Variants in FBXO34 observed in about 807,000 individuals in gnomAD.
The protein encoded by FBXO34 is F-box protein 34, also known as F-box only protein 34.
A neutral mutation model predicts 24.5 loss-of-function variants in FBXO34; 12 were observed. The ratio of observed to expected loss-of-function variants is 0.49; its 90% CI spans 0.31 to 0.79. The LOEUF is 0.79. FBXO34 is among the 30% of genes least tolerant of loss of function. The pLI, the probability that FBXO34 is intolerant of heterozygous loss-of-function variation, is 0.04. For synonymous variants in FBXO34, 320 were observed against 311.9 expected, an observed-to-expected ratio of 1.03 and a Z score of -0.27; for missense variants, 823 against 857.7, an observed-to-expected ratio of 0.96 and a Z score of 0.51.
At chr14:55,441,119 T>C in the FBXO34 span, among the ~76,000 whole-genome samples, 1 of 152,166 alleles carries the variant, frequency 6.6e-6, no homozygotes, top group African/African-American at 2.4e-5. Flanking sequence ...GTGCTGGGAT[T>C]ACAGGCGTGA....
At chr14:55,301,870 A>G (rs976057299) in intron 1 of FBXO34, among the ~76,000 whole-genome samples, 4 of 152,204 alleles carry the variant, frequency 2.6e-5, no homozygotes, top group Non-Finnish European at 4.4e-5. Context: ...ACCACAGTCT[A>G]CTTTTTCTTG....
At chr14:55,375,770 T>C in the FBXO34 span, among the ~76,000 whole-genome samples, 32 of 152,356 alleles carry the variant, frequency 2.1e-4, no homozygotes, top group East Asian at 6.0e-3. Flanking sequence ...TTTTTAAAAA[T>C]GCTTTGCCTT....
chr14:55,299,283 T>C (rs773823148), intron 1 of FBXO34: 13 of 750,252 alleles, frequency 1.7e-5, no homozygotes, highest in Non-Finnish European at 2.7e-5. Flanking sequence ...GCGGGCAGGA[T>C]GGATGTGGTG....
chr14:55,295,441 C>T (rs1480264096), intron 1 of FBXO34, among the ~76,000 whole-genome samples: 1 of 129,482 alleles, frequency 7.7e-6, no homozygotes, highest in Non-Finnish European at 1.5e-5. Flanking sequence ...GTTGCCCAGG[C>T]TGGAGTGGAG....
downstream of FBXO34, chr14:55,366,843 C>T (rs1373601573): frequency 6.6e-6 from 1 of 152,558 alleles, no homozygotes; most frequent in Non-Finnish European, 1.5e-5. Flanking sequence ...CTGGCACCTA[C>T]ATGAAAGATT....
intron 1 of FBXO34, among the ~76,000 whole-genome samples, chr14:55,310,942 A>G (rs1882716373): frequency 6.7e-6 from 1 of 148,934 alleles, no homozygotes; most frequent in Non-Finnish European, 1.5e-5. Flanking sequence ...CTATCACTGC[A>G]AGGAAAAAAA....
At position 55,350,370 on chromosome 14, in the gene FBXO34, C is replaced by T; in HGVS notation, c.-10-11C>T. 6.7e-7 allele frequency: 1 copy of T among 1,484,040 alleles called. No homozygotes were observed. 91.9% of individuals were successfully genotyped at this position (1,484,040 alleles called of 1,614,324 possible). ...TGGTTTCTGAATCAAATGTGTATTT[C>T]TTTCCTATAGGGGCTTTGTTATGCA... On this transcript the variant is annotated splice_polypyrimidine_tract_variant and intron_variant, in intron 1 of 1. Coordinates refer to ENST00000313833, the MANE Select transcript of FBXO34 (RefSeq NM_017943.4).
the FBXO34 span, chr14:55,377,800 G>C: frequency 6.5e-7 from 1 of 1,530,802 alleles, no homozygotes; most frequent in Non-Finnish European, 8.8e-7. Flanking sequence ...TTAGAGAAAA[G>C]CAACAAATAT....
intron 1 of FBXO34, among the ~76,000 whole-genome samples, chr14:55,344,546 A>ATTT (rs3085086): frequency 7.2e-6 from 1 of 138,972 alleles, no homozygotes; most frequent in Non-Finnish European, 1.6e-5. Flanking sequence ...GTGTATGTGT[A>ATTT]TTTTTTTTTT....
the FBXO34 span, among the ~76,000 whole-genome samples, chr14:55,430,119 C>T: frequency 1.3e-5 from 2 of 152,064 alleles, no homozygotes; most frequent in Non-Finnish European, 2.9e-5. Flanking sequence ...CTTCATTTCT[C>T]CTTAGGTATT....
chr14:55,279,564 C>T (rs750486700), intron 1 of FBXO34, among the ~76,000 whole-genome samples: 4 of 152,140 alleles, frequency 2.6e-5, no homozygotes, highest in Non-Finnish European at 4.4e-5. Context: ...ACCCTGAATT[C>T]TATATATAAA....
chr14:55,350,609 G>A lies in FBXO34; in HGVS notation c.219G>A (p.Met73Ile). ...TTTCTCCAAATGTTCTGTGCAGTAT[G>A]AGTGGGAAGAGTCCTGTAGAGAGCA... ...GILSPNVLCS[M>I]SGKSPVESSL... Residue 73 changes from methionine (M) to isoleucine (I), a missense_variant, in exon 2 of 2, where the codon ATG (methionine) becomes ATA (isoleucine). Coordinates refer to ENST00000313833, the MANE Select transcript of FBXO34 (RefSeq NM_017943.4). The A allele has an allele frequency of 6.2e-7, 1 of 1,612,938 alleles. No homozygotes were observed. The highest frequency in any genetic ancestry group is 8.5e-7 in the Non-Finnish European group (1 of 1,179,636).
At chr14:55,432,985 A>G in the FBXO34 span, among the ~76,000 whole-genome samples, 1 of 152,234 alleles carries the variant, frequency 6.6e-6, no homozygotes, top group Non-Finnish European at 1.5e-5. Context: ...AGGAAAATCC[A>G]CAATAACTAC....
chr14:55,351,496 C>G lies in FBXO34; in HGVS notation c.1106C>G (p.Ala369Gly). The G allele has an allele frequency of 6.2e-7, 1 of 1,614,168 alleles. No homozygotes were observed. The highest frequency in any genetic ancestry group is 8.5e-7 in the Non-Finnish European group (1 of 1,180,020). ...SPKEDQAWDGASQDCPPLPAG... is the reference protein window; with the variant it reads ...SPKEDQAWDGGSQDCPPLPAG... ...AAGGAGGACCAGGCCTGGGACGGTG[C>G]TTCTCAGGACTGCCCCCCATTGCCA... The change falls in exon 2 of 2, where the codon GCT becomes GGT. Residue 369 changes from alanine (A) to glycine (G), a missense_variant. Transcript: ENST00000313833.
chr14:55,342,459 C>T (rs1884023541), intron 1 of FBXO34, among the ~76,000 whole-genome samples: 1 of 152,190 alleles, frequency 6.6e-6, no homozygotes, highest in Admixed American at 6.5e-5. Context: ...TGGACTGCCT[C>T]CCCGAAAAAG....
At chr14:55,297,299 G>A (rs900100376) in intron 1 of FBXO34, among the ~76,000 whole-genome samples, 1 of 152,198 alleles carries the variant, frequency 6.6e-6, no homozygotes, top group Non-Finnish European at 1.5e-5. Context: ...TCCTATGTCA[G>A]TATTAACACA....
the FBXO34 span, among the ~76,000 whole-genome samples, chr14:55,400,769 T>G: frequency 6.6e-6 from 1 of 152,020 alleles, no homozygotes; most frequent in South Asian, 2.1e-4. Context: ...CCAGGTGTGG[T>G]GGCGGGCACC....
At chr14:55,370,343 A>G (rs765100016), downstream of FBXO34, among the ~76,000 whole-genome samples, 3 of 152,340 alleles carry the variant, frequency 2.0e-5, no homozygotes, top group East Asian at 3.9e-4. Context: ...ATTTAGTGTA[A>G]TAAGTAATAA....
chr14:55,386,624 A>G, the FBXO34 span, among the ~76,000 whole-genome samples: 1 of 152,220 alleles, frequency 6.6e-6, no homozygotes, highest in African/African-American at 2.4e-5. Context: ...AGCAACCAGC[A>G]GGGTGGGTGG....
Sources: gnomAD v4.1 joint callset for allele counts (sites outside exome capture counted in the v4.1 genomes callset) on GRCh38, gnomAD v4.1.1 for gene constraint, MANE v1.5 for transcripts, NCBI Gene and HGNC (gene_info 2026-07-23, HGNC 2026-07-21) for gene names.